Variants in KLRD1 observed in about 807,000 individuals in gnomAD.
KLRD1 encodes the protein natural killer cells antigen CD94.
KLRD1 carries 21 observed loss-of-function variants against 22.6 expected under a neutral mutation model. The ratio of observed to expected loss-of-function variants is 0.93; its 90% confidence interval spans 0.66 to 1.34. The LOEUF (loss-of-function observed/expected upper bound fraction) is 1.34, where lower values mean the gene tolerates loss of function less well. Among genes scored for constraint, KLRD1 ranks in the 40% most tolerant of loss-of-function variants. The pLI, the probability that KLRD1 is intolerant of heterozygous loss-of-function variation, is 0.00. For missense variants in KLRD1, 183 were observed against 208.6 expected, an observed-to-expected ratio of 0.88 and a Z score of 0.76; for synonymous variants, 59 against 71.1, an observed-to-expected ratio of 0.83 and a Z score of 0.85.
upstream of KLRD1, among the ~76,000 whole-genome samples, chr12:10,303,821 A>G (rs1818432577): frequency 6.6e-6 from 1 of 152,190 alleles, no homozygotes. Context: ...CCTGAGATCC[A>G]TTGGTATGAG....
At chr12:10,298,094 A>C (rs1949837448) in intron 1 of KLRD1, among the ~76,000 whole-genome samples, 1 of 152,196 alleles carries the variant, frequency 6.6e-6, no homozygotes, top group Non-Finnish European at 1.5e-5. Context: ...TTTTGCATCT[A>C]ATAGTACATT....
chr12:10,264,562 G>C (rs1199210166), intron 1 of KLRD1, among the ~76,000 whole-genome samples: 2 of 151,966 alleles, frequency 1.3e-5, no homozygotes, highest in Non-Finnish European at 1.5e-5. Context: ...CTTTATTTAA[G>C]TATGACTGAC....
chr12:10,246,928 CTTTTCTTTTTTT>C (rs1298591229), intron 1 of KLRD1, among the ~76,000 whole-genome samples: 35 of 129,690 alleles, frequency 2.7e-4, no homozygotes, highest in African/African-American at 1.0e-3. Flanking sequence ...CTTTTCTTTT[CTTTTCTTTTTTT>C]TTTTTTTTTT....
chr12:10,289,259 A>AAGCTGC (rs1949742044), intron 1 of KLRD1, among the ~76,000 whole-genome samples: 1 of 152,196 alleles, frequency 6.6e-6, no homozygotes, highest in Non-Finnish European at 1.5e-5. Context: ...AGGAGTTGAC[A>AAGCTGC]AGCTGCAGCT....
At chr12:10,291,495 GT>G (rs540206780) in intron 1 of KLRD1, among the ~76,000 whole-genome samples, 3 of 151,920 alleles carry the variant, frequency 2.0e-5, no homozygotes, top group Non-Finnish European at 4.4e-5. Context: ...TTTCAACAAT[GT>G]TCACAACATC....
At chr12:10,302,488 C>G (rs1949874926), upstream of KLRD1, among the ~76,000 whole-genome samples, 1 of 152,140 alleles carries the variant, frequency 6.6e-6, no homozygotes, top group Non-Finnish European at 1.5e-5. Context: ...ACTGAGACAC[C>G]AGTATTGTAG....
intron 1 of KLRD1, among the ~76,000 whole-genome samples, chr12:10,265,801 C>T (rs1171270460): frequency 6.6e-6 from 1 of 152,142 alleles, no homozygotes; most frequent in Non-Finnish European, 1.5e-5. Flanking sequence ...ACCGCTACAT[C>T]TGATATTTAC....
rs1228030235 is a variant in KLRD1 at position 10,318,457 on chromosome 12, AGATGAAT to A, written c.*3666_*3672del. ...CTCACAAATATCAGGTTTCATCCAG[AGATGAAT>A]GGTGTCTTTGCGCAAATATCTCTTG... is the stretch of plus-strand genomic sequence containing the variant. On this transcript the variant is annotated 3_prime_UTR_variant, in exon 6 of 6. Coordinates refer to ENST00000336164, the MANE Select transcript of KLRD1 (RefSeq NM_002262.5). The A allele has an allele frequency of 6.6e-6, 1 of 152,168 alleles. No homozygotes were observed. The highest frequency in any genetic ancestry group is 1.5e-5 in the Non-Finnish European group (1 of 68,046). 9.4% of individuals were successfully genotyped at this position (152,168 alleles called of 1,614,324 possible).
chr12:10,312,716 G>T (rs1950115162), intron 4 of KLRD1, among the ~76,000 whole-genome samples: 1 of 151,090 alleles, frequency 6.6e-6, no homozygotes, highest in South Asian at 2.1e-4. Flanking sequence ...GCGGCCGGGC[G>T]CAGTGGCTGA....
chr12:10,242,363 C>T (rs1029445400), intron 1 of KLRD1, among the ~76,000 whole-genome samples: 8 of 152,122 alleles, frequency 5.3e-5, no homozygotes, highest in African/African-American at 1.2e-4. Context: ...AAGCGATCTT[C>T]ACTTGTATCA....
At chr12:10,238,966 A>G (rs1949208178) in intron 1 of KLRD1, among the ~76,000 whole-genome samples, 1 of 152,204 alleles carries the variant, frequency 6.6e-6, no homozygotes, top group Non-Finnish European at 1.5e-5. Flanking sequence ...TCAGACTTCA[A>G]AACCTTTGAA....
intron 5 of KLRD1, 72 bp downstream of exon 5, chr12:10,313,585 C>A: frequency 1.3e-6 from 1 of 784,170 alleles, no homozygotes; most frequent in Non-Finnish European, 2.1e-6. Flanking sequence ...GTAAAGGTAA[C>A]ATCCAGGAGC....
At chr12:10,295,297 A>G (rs1415756787) in intron 1 of KLRD1, among the ~76,000 whole-genome samples, 3 of 152,052 alleles carry the variant, frequency 2.0e-5, no homozygotes, top group Non-Finnish European at 4.4e-5. Flanking sequence ...ATTTTGAGTT[A>G]TTTCTTCATT....
intron 1 of KLRD1, among the ~76,000 whole-genome samples, chr12:10,286,661 G>GTTTTTTTTTT (rs1565459881): frequency 2.0e-5 from 1 of 49,318 alleles, no homozygotes; most frequent in African/African-American, 7.1e-5. Flanking sequence ...CGCTTATGGT[G>GTTTTTTTTTT]CTTTTTTTTT....
intron 1 of KLRD1, among the ~76,000 whole-genome samples, chr12:10,295,070 T>A (rs1046456334): frequency 1.3e-5 from 2 of 152,216 alleles, no homozygotes; most frequent in Non-Finnish European, 2.9e-5. Flanking sequence ...GTGCTGCCTC[T>A]CATAAATTAT....
chr12:10,259,905 G>A (rs901495564), intron 1 of KLRD1, among the ~76,000 whole-genome samples: 1 of 152,210 alleles, frequency 6.6e-6, no homozygotes, highest in African/African-American at 2.4e-5. Flanking sequence ...GGTGGAGGTT[G>A]CAGTGAGCCA....
At chr12:10,273,736 A>G (rs1268164358) in intron 1 of KLRD1, among the ~76,000 whole-genome samples, 1 of 151,992 alleles carries the variant, frequency 6.6e-6, no homozygotes, top group Non-Finnish European at 1.5e-5. Context: ...ATTAAATTCT[A>G]GAGTGAGTAG....
At chr12:10,241,658 A>G (rs988502241) in intron 1 of KLRD1, among the ~76,000 whole-genome samples, 6 of 152,156 alleles carry the variant, frequency 3.9e-5, no homozygotes, top group Middle Eastern at 3.2e-3. Flanking sequence ...AAGGGAGGCC[A>G]GAGAACTATA....
At position 10,319,688 on chromosome 12, in the gene KLRD1, C is replaced by T. The variant is rs1950292681; in HGVS notation, c.*4895C>T. The T allele has an allele frequency of 6.6e-6, 1 of 151,938 alleles. No homozygotes were observed. Among genetic ancestry groups the T allele is most frequent in the South Asian group, 2.1e-4 (1 of 4,800 alleles). 9.4% of individuals were successfully genotyped at this position (151,938 alleles called of 1,614,324 possible). A position where few individuals can be genotyped will look rare whatever the true frequency, so the allele number is the denominator to read the frequency against. On this transcript the variant is annotated 3_prime_UTR_variant, in exon 6 of 6. Transcript: ENST00000336164. ...CTGAAGTCTATTTCCAATAGCCATG[C>T]TATGAGCCTTCTTTGCTTGTATAGG...
Sources: gnomAD v4.1 joint callset for allele counts (sites outside exome capture counted in the v4.1 genomes callset) on GRCh38, gnomAD v4.1.1 for gene constraint, MANE v1.5 for transcripts, NCBI Gene and HGNC (gene_info 2026-07-23, HGNC 2026-07-21) for gene names.